Variants in TMTC2 observed in about 807,000 individuals in gnomAD.
TMTC2 encodes the protein protein O-mannosyl-transferase TMTC2.
TMTC2 carries 43 observed loss-of-function variants against 82.4 expected under a neutral mutation model. That is an observed-to-expected ratio of 0.52 (90% CI 0.41 to 0.67). The LOEUF is 0.67. Among genes scored for constraint, TMTC2 ranks in the 30% least tolerant of loss-of-function variants. TMTC2 has a pLI of 0.00. For synonymous variants in TMTC2, 408 were observed against 381.9 expected, an observed-to-expected ratio of 1.07 and a Z score of -0.80; for missense variants, 919 against 1,012.4, an observed-to-expected ratio of 0.91 and a Z score of 1.25.
chr12:82,865,964 G>A (rs992072869), intron 2 of TMTC2, among the ~76,000 whole-genome samples: 5 of 152,136 alleles, frequency 3.3e-5, no homozygotes, highest in African/African-American at 4.8e-5. Flanking sequence ...TGAAACCAAT[G>A]AGAACAAAGA....
At chr12:82,818,431 A>G (rs960941378) in intron 1 of TMTC2, among the ~76,000 whole-genome samples, 3 of 152,174 alleles carry the variant, frequency 2.0e-5, no homozygotes, top group Non-Finnish European at 4.4e-5. Flanking sequence ...TCTCAAGCAC[A>G]TAACATTTTT....
At chr12:82,960,098 A>G (rs947560652) in intron 4 of TMTC2, among the ~76,000 whole-genome samples, 1 of 152,168 alleles carries the variant, frequency 6.6e-6, no homozygotes, top group African/African-American at 2.4e-5. Flanking sequence ...AGAGAAATGC[A>G]AATCAAAACC....
At chr12:83,030,000 A>C (rs1454645285) in intron 8 of TMTC2, among the ~76,000 whole-genome samples, 1 of 152,164 alleles carries the variant, frequency 6.6e-6, no homozygotes, top group East Asian at 1.9e-4. Context: ...TGCAGCAAGG[A>C]TAAATAGCTG....
intron 7 of TMTC2, among the ~76,000 whole-genome samples, chr12:82,971,386 G>C (rs4882531): frequency 0.91 from 138,623 of 152,144 alleles, 63,280 homozygotes; most frequent in East Asian, 1. Context: ...AAAGTACATT[G>C]AATATACTGG....
At chr12:82,898,516 T>G (rs898009108) in intron 3 of TMTC2, among the ~76,000 whole-genome samples, 1 of 152,172 alleles carries the variant, frequency 6.6e-6, no homozygotes, top group Non-Finnish European at 1.5e-5. Context: ...GATAGAAGCT[T>G]TATTCTTTCA....
At chr12:83,041,904 G>T (rs767343649) in intron 9 of TMTC2, among the ~76,000 whole-genome samples, 3 of 152,174 alleles carry the variant, frequency 2.0e-5, no homozygotes, top group African/African-American at 7.2e-5. Flanking sequence ...TGAAGTTTGT[G>T]TTGTGTGAAG....
At chr12:83,010,891 A>G (rs866359093) in intron 8 of TMTC2, among the ~76,000 whole-genome samples, 25 of 152,160 alleles carry the variant, frequency 1.6e-4, no homozygotes, top group South Asian at 1.0e-3. Flanking sequence ...CTGGAGTGCA[A>G]TGGTGCGATC....
At chr12:82,712,512 C>G (rs1207308104) in intron 1 of TMTC2, among the ~76,000 whole-genome samples, 1 of 149,740 alleles carries the variant, frequency 6.7e-6, no homozygotes, top group Admixed American at 6.7e-5. Flanking sequence ...TCATTCAGTT[C>G]TGGACACAGG....
chr12:83,094,171 T>C (rs1430094385), intron 11 of TMTC2, among the ~76,000 whole-genome samples: 1 of 152,188 alleles, frequency 6.6e-6, no homozygotes, highest in Non-Finnish European at 1.5e-5. Flanking sequence ...AGATCCAACA[T>C]CCGCGTATGC....
chr12:82,940,575 G>A (rs574140772), intron 4 of TMTC2, among the ~76,000 whole-genome samples: 31 of 148,758 alleles, frequency 2.1e-4, no homozygotes, highest in Non-Finnish European at 3.9e-4. Flanking sequence ...TCATTAGAAG[G>A]TTCTTTCTTG....
At chr12:83,048,608 T>A (rs747084861) in intron 9 of TMTC2, among the ~76,000 whole-genome samples, 19 of 152,226 alleles carry the variant, frequency 1.2e-4, no homozygotes, top group Non-Finnish European at 2.1e-4. Flanking sequence ...GGCTTACCTT[T>A]ACTCAGCATT....
chr12:82,744,494 G>C (rs927135129), intron 1 of TMTC2, among the ~76,000 whole-genome samples: 25 of 147,056 alleles, frequency 1.7e-4, no homozygotes, highest in Non-Finnish European at 1.5e-5. Flanking sequence ...TAACTGAGGG[G>C]CTGAAGCAGA....
intron 8 of TMTC2, among the ~76,000 whole-genome samples, chr12:82,998,466 A>G (rs1307374204): frequency 6.6e-6 from 1 of 152,202 alleles, no homozygotes; most frequent in Admixed American, 6.5e-5. Flanking sequence ...AACAAAAACA[A>G]CTTTTTTTCA....
intron 1 of TMTC2, among the ~76,000 whole-genome samples, chr12:82,810,785 T>G (rs1481219558): frequency 6.6e-6 from 1 of 152,092 alleles, no homozygotes; most frequent in African/African-American, 2.4e-5. Flanking sequence ...GAGGGAGTTC[T>G]CACAAGATCT....
rs888017341 is a variant in TMTC2 at position 83,134,610 on chromosome 12, G to T, written c.*2221G>T. 7.3e-6 allele frequency: 1 copy of T among 137,318 alleles called. No individual in the cohort carries two copies. Among genetic ancestry groups the T allele is most frequent in the Non-Finnish European group, 1.6e-5 (1 of 63,230 alleles). The allele number at this position is 137,318 out of a possible 1,614,324, so 8.5% of individuals were successfully genotyped here. A position where few individuals can be genotyped will look rare whatever the true frequency, so the allele number is the denominator to read the frequency against. On this transcript the variant is annotated 3_prime_UTR_variant, in exon 12 of 12. Coordinates refer to ENST00000321196, the MANE Select transcript of TMTC2 (RefSeq NM_152588.3). ...CTTAGTAACTGACCAACTTCGGGGG[G>T]AGGGTTGGGGCAAGGGGGGGTGGGC...
At chr12:82,783,901 C>T (rs546009416) in intron 1 of TMTC2, among the ~76,000 whole-genome samples, 1 of 152,092 alleles carries the variant, frequency 6.6e-6, no homozygotes, top group South Asian at 2.1e-4. Context: ...TGGGATTGCA[C>T]CTCTCTCTGC....
chr12:83,082,174 G>T (rs1392206811), intron 11 of TMTC2, among the ~76,000 whole-genome samples: 1 of 152,218 alleles, frequency 6.6e-6, no homozygotes, highest in African/African-American at 2.4e-5. Context: ...ACTATAGCTT[G>T]AAGATGTCAT....
intron 1 of TMTC2, among the ~76,000 whole-genome samples, chr12:82,688,296 G>A (rs1049150034): frequency 1.2e-4 from 18 of 152,216 alleles, no homozygotes; most frequent in African/African-American, 3.6e-4. Flanking sequence ...TAAAAGCCTC[G>A]GCTTTCTCAT....
chr12:82,764,504 C>T (rs899996674), intron 1 of TMTC2, among the ~76,000 whole-genome samples: 1 of 152,104 alleles, frequency 6.6e-6, no homozygotes, highest in Non-Finnish European at 1.5e-5. Flanking sequence ...GACTTTGCCT[C>T]TGCTCTCTCA....
Sources: gnomAD v4.1 joint callset for allele counts (sites outside exome capture counted in the v4.1 genomes callset) on GRCh38, gnomAD v4.1.1 for gene constraint, MANE v1.5 for transcripts, NCBI Gene and HGNC (gene_info 2026-07-23, HGNC 2026-07-21) for gene names.